The following SPATA3 variants were observed in gnomAD, a reference collection of about 807,000 sequenced individuals.
SPATA3 encodes the protein spermatogenesis associated 3.
In SPATA3, 6 loss-of-function variants were observed where a neutral mutation model predicts 5.7. That is an observed-to-expected ratio of 1.06 (90% confidence interval 0.58 to 2.09). The LOEUF (loss-of-function observed/expected upper bound fraction) is 2.09. Among genes scored for constraint, SPATA3 ranks in the 30% most tolerant of loss-of-function variants. The pLI is 0.00. For missense variants in SPATA3, 155 were observed against 130.4 expected (o/e 1.19, Z -0.92); for synonymous variants, 44 against 48.4 (o/e 0.91, Z 0.37).
rs1048719588 is a variant in SPATA3, at chr2:231,002,767, G to A, written c.1046G>A (p.Arg349Lys). 3.3e-6 allele frequency: 5 copies of A among 1,523,854 alleles called. No individual in the cohort carries two copies. In the African/African-American group the frequency reaches 4.2e-5, roughly 13 times the overall value. 94.4% of individuals were successfully genotyped at this position (1,523,854 alleles called of 1,614,324 possible). ...TGTGGCTGTGGCTCTGGGGGCTCTAGGAGCTGCCTACTACATCACTGAATC... is the reference window on the plus strand; with the variant it reads ...TGTGGCTGTGGCTCTGGGGGCTCTAAGAGCTGCCTACTACATCACTGAATC... Residue 349 changes from arginine (R) to lysine (K), a missense_variant, in exon 3 of 3, where the codon AGG (arginine) becomes AAG (lysine). Physicochemically the swap from Arg to Lys is conservative, Grantham distance 26. Transcript: ENST00000645363.
chr2:231,011,465 G>A (rs1692786061), downstream of SPATA3, among the ~76,000 whole-genome samples: 1 of 152,128 alleles, frequency 6.6e-6, no homozygotes, highest in Non-Finnish European at 1.5e-5. Context: ...GCAGAAGAAA[G>A]TCCAGGAAGC....
chr2:231,003,911 G>T, downstream of SPATA3: 1 of 152,340 alleles, frequency 6.6e-6, no homozygotes. Flanking sequence ...GAGGTGTGAA[G>T]GTCTGGGTGG....
chr2:231,011,561 G>C (rs1692788875), downstream of SPATA3, among the ~76,000 whole-genome samples: 1 of 152,170 alleles, frequency 6.6e-6, no homozygotes, highest in South Asian at 2.1e-4. Context: ...TGGCTTTTCA[G>C]ATACAACCTG....
At chr2:231,006,201 GAAA>G (rs34214730), downstream of SPATA3, among the ~76,000 whole-genome samples, 1 of 104,036 alleles carries the variant, frequency 9.6e-6, no homozygotes, top group Non-Finnish European at 1.9e-5. Flanking sequence ...CCTGTCTCAA[GAAA>G]AAAAAAAAAA....
At chr2:230,996,276 C>T (rs2125088533) in intron 1 of SPATA3, 14 of 1,539,098 alleles carry the variant, frequency 9.1e-6, no homozygotes, top group South Asian at 2.4e-5. Context: ...CAGACGCCAC[C>T]GAGACTCCAC....
At chr2:231,017,494 C>T (rs1266911591) in intron 6 of SPATA3, among the ~76,000 whole-genome samples, 1 of 152,230 alleles carries the variant, frequency 6.6e-6, no homozygotes, top group Non-Finnish European at 1.5e-5. Context: ...TTGACATCCC[C>T]ACCAATGACT....
downstream of SPATA3, among the ~76,000 whole-genome samples, chr2:231,009,344 G>A (rs191002418): frequency 2.6e-5 from 4 of 152,272 alleles, no homozygotes; most frequent in East Asian, 1.9e-4. Flanking sequence ...TGCCTCAAGC[G>A]GCAGACTTGC....
downstream of SPATA3, chr2:231,006,637 C>G (rs569819174): frequency 1.3e-5 from 2 of 152,204 alleles, no homozygotes; most frequent in East Asian, 3.8e-4. Flanking sequence ...GATGGAGGTG[C>G]ATCGTGGGGG....
chr2:231,009,223 G>C (rs11888738), downstream of SPATA3, among the ~76,000 whole-genome samples: 686 of 152,306 alleles, frequency 4.5e-3, 6 homozygotes, highest in African/African-American at 0.016. Flanking sequence ...CCAGTTGGCT[G>C]TGGGTCTGCA....
At chr2:231,010,567 T>TA (rs1472241463), downstream of SPATA3, among the ~76,000 whole-genome samples, 8 of 152,096 alleles carry the variant, frequency 5.3e-5, no homozygotes, top group Non-Finnish European at 1.0e-4. Context: ...GGAGAATGGG[T>TA]TCTTGTTTCT....
intron 1 of SPATA3, among the ~76,000 whole-genome samples, chr2:230,998,463 C>G (rs1434396121): frequency 6.6e-6 from 1 of 152,172 alleles, no homozygotes; most frequent in Non-Finnish European, 1.5e-5. Flanking sequence ...GTGACTCATA[C>G]TCAGAGAAGA....
At chr2:230,999,971 T>C (rs1025855072) in intron 1 of SPATA3, among the ~76,000 whole-genome samples, 3 of 152,208 alleles carry the variant, frequency 2.0e-5, no homozygotes, top group African/African-American at 7.2e-5. Flanking sequence ...GTATCCCCTT[T>C]ACAGGATTAC....
downstream of SPATA3, among the ~76,000 whole-genome samples, chr2:231,009,534 A>G (rs1240427674): frequency 6.6e-6 from 1 of 152,196 alleles, no homozygotes; most frequent in East Asian, 1.9e-4. Context: ...ATCCCACCAA[A>G]ACCCCAAGAG....
At chr2:231,003,524 G>A (rs1692431574), downstream of SPATA3, among the ~76,000 whole-genome samples, 1 of 152,186 alleles carries the variant, frequency 6.6e-6, no homozygotes, top group Non-Finnish European at 1.5e-5. Flanking sequence ...GACCCTGTGG[G>A]AGCCCTGGAA....
At chr2:230,998,372 G>C (rs1178343632) in intron 1 of SPATA3, among the ~76,000 whole-genome samples, 2 of 152,170 alleles carry the variant, frequency 1.3e-5, no homozygotes, top group South Asian at 2.1e-4. Flanking sequence ...AAACATTTCT[G>C]GGTTATGATC....
chr2:231,015,195 G>A (rs1233529907), intron 6 of SPATA3, among the ~76,000 whole-genome samples: 4 of 150,064 alleles, frequency 2.7e-5, no homozygotes, highest in Non-Finnish European at 5.9e-5. Flanking sequence ...AAGAAAGGGA[G>A]TCCACCTGAG....
At position 231,002,664 on chromosome 2, in the gene SPATA3, A is replaced by G; in HGVS notation, c.963-20A>G. 1.4e-6 allele frequency: 2 copies of G among 1,445,684 alleles called. No homozygotes were observed. Among genetic ancestry groups the G allele is most frequent in the Admixed American group, 2.5e-5 (1 of 39,828 alleles). The allele number at this position is 1,445,684 out of a possible 1,614,324, so 89.6% of individuals were successfully genotyped here. ...TGAAGCCCAGCTTCCCACCACCCCC[A>G]CTTCTGCTTTGCTCTACAGAAAATC... On this transcript the variant is annotated intron_variant, in intron 2 of 2. Transcript: ENST00000645363.
chr2:231,009,985 G>A (rs1427825646), downstream of SPATA3, among the ~76,000 whole-genome samples: 1 of 152,252 alleles, frequency 6.6e-6, no homozygotes, highest in Non-Finnish European at 1.5e-5. Context: ...CCTGATAGGG[G>A]CTTTCAAGAG....
chr2:230,997,737 A>G (rs1692182538), intron 1 of SPATA3, among the ~76,000 whole-genome samples: 1 of 152,222 alleles, frequency 6.6e-6, no homozygotes, highest in South Asian at 2.1e-4. Flanking sequence ...CTGTATAAGC[A>G]TTGGATTGTG....
Sources: gnomAD v4.1 joint callset for allele counts (sites outside exome capture counted in the v4.1 genomes callset) on GRCh38, gnomAD v4.1.1 for gene constraint, MANE v1.5 for transcripts, NCBI Gene and HGNC (gene_info 2026-07-23, HGNC 2026-07-21) for gene names.